KEL: variants seen among roughly 807,000 people sequenced by gnomAD.
The protein encoded by KEL is kell blood group glycoprotein.
A neutral mutation model predicts 99.5 loss-of-function variants in KEL; 96 were observed. The observed-to-expected ratio is 0.97, with a 90% confidence interval of 0.82 to 1.14. The LOEUF (loss-of-function observed/expected upper bound fraction) is 1.14. KEL is among the 50% of genes most tolerant of loss of function. KEL has a pLI of 0.00. For missense variants in KEL, 926 were observed against 924.2 expected (o/e 1.00, Z -0.03); for synonymous variants, 355 against 354.8 (o/e 1.00, Z -0.01).
At chr7:142,941,442 G>C (rs767592585) in intron 18 of KEL, 29 bp from the exon 19 acceptor site, 1 of 1,559,940 alleles carries the variant, frequency 6.4e-7, no homozygotes. Flanking sequence ...CATTGAAGGG[G>C]GAGGGTCCAC....
Position 142,962,226 on chromosome 7 carries a change from C to T in KEL, c.-20G>A. ...TACCATCTGTCTATCTTCTGTGGCT[C>T]CAGAATCCTTCCTGGTTCCACTCTA... On this transcript the variant is annotated 5_prime_UTR_variant, in exon 1 of 19. Coordinates refer to ENST00000355265, the MANE Select transcript of KEL (RefSeq NM_000420.3). 6.2e-7 allele frequency: 1 copy of T among 1,614,146 alleles called. No individual in the cohort carries two copies. Among genetic ancestry groups the T allele is most frequent in the South Asian group, 1.1e-5 (1 of 91,078 alleles).
intron 10 of KEL, among the ~76,000 whole-genome samples, chr7:142,952,100 T>C (rs1467069141): frequency 6.6e-6 from 1 of 152,076 alleles, no homozygotes; most frequent in Non-Finnish European, 1.5e-5. Context: ...CGTTTGAACA[T>C]GGAATCAACT....
At position 142,962,262 on chromosome 7, in the gene KEL, C is replaced by T. The variant is rs1286596407; in HGVS notation, c.-56G>A. The T allele has an allele frequency of 1.8e-5, 29 of 1,609,762 alleles. No homozygotes were observed. Among genetic ancestry groups the T allele is most frequent in the Non-Finnish European group, 2.4e-5 (28 of 1,175,976 alleles). On this transcript the variant is annotated 5_prime_UTR_variant, in exon 1 of 19. Coordinates refer to ENST00000355265, the MANE Select transcript of KEL (RefSeq NM_000420.3). ...CCTGGTTCCACTCTAGGAGCTGATT[C>T]GGAGGACTGGGGTCCAGGAAACACC... is the stretch of plus-strand genomic sequence containing the variant.
chr7:142,948,032 C>G (rs1010632328), intron 10 of KEL, among the ~76,000 whole-genome samples: 2 of 152,226 alleles, frequency 1.3e-5, no homozygotes, highest in African/African-American at 4.8e-5. Flanking sequence ...CAACCAGCAT[C>G]AGCAGGGAGA....
At chr7:142,953,546 C>G (rs947813514) in intron 9 of KEL, 1 of 339,116 alleles carries the variant, frequency 2.9e-6, no homozygotes, top group Non-Finnish European at 4.2e-6. Flanking sequence ...CAGGAAACCC[C>G]GTGTCTTGGC....
Position 142,962,331 on chromosome 7 carries a change from G to T in KEL, c.-125C>A. 9.0e-7 allele frequency: 1 copy of T among 1,112,556 alleles called. No homozygotes were observed. The highest frequency in any genetic ancestry group is 1.4e-6 in the Non-Finnish European group (1 of 729,938). 68.9% of individuals were successfully genotyped at this position (1,112,556 alleles called of 1,614,324 possible). ...ATCCTGGAGAAGGGGCACTTCTGCTGCTCTTTCGCCTTGTCCCCAGACACA... is the reference window on the plus strand; with the variant it reads ...ATCCTGGAGAAGGGGCACTTCTGCTTCTCTTTCGCCTTGTCCCCAGACACA... On this transcript the variant is annotated 5_prime_UTR_variant, in exon 1 of 19. Transcript: ENST00000355265.
chr7:142,953,499 C>T, intron 9 of KEL: 1 of 632,586 alleles, frequency 1.6e-6, no homozygotes, highest in Non-Finnish European at 2.0e-6. Flanking sequence ...GCATCTTCTA[C>T]AGCTCAGAGG....
chr7:142,942,831 A>C (rs773526421), intron 17 of KEL, 44 bp downstream of exon 17: 1 of 1,608,570 alleles, frequency 6.2e-7, no homozygotes, highest in Non-Finnish European at 8.5e-7. Context: ...CATGTTTTCT[A>C]GTCTGCCAGT....
chr7:142,944,509 T>A (rs1796459885), intron 12 of KEL, 109 bp from the exon 13 acceptor site: 1 of 1,185,580 alleles, frequency 8.4e-7, no homozygotes, highest in Middle Eastern at 1.9e-4. Flanking sequence ...AGTGTGAGTA[T>A]ACAGCCCAGT....
chr7:142,958,890 C>T (rs1562964662), intron 4 of KEL, among the ~76,000 whole-genome samples: 1 of 152,170 alleles, frequency 6.6e-6, no homozygotes, highest in Non-Finnish European at 1.5e-5. Flanking sequence ...CTATCTATCC[C>T]AGATCTTTAG....
At chr7:142,946,567 C>G (rs1796536056) in intron 10 of KEL, 5 of 569,076 alleles carry the variant, frequency 8.8e-6, no homozygotes, top group Non-Finnish European at 1.6e-5. Flanking sequence ...AATTTGACAG[C>G]AAGGCCTCTA....
chr7:142,942,907 C>A lies in KEL; in HGVS notation c.1909G>T (p.Ala637Ser). 6.2e-7 allele frequency: 1 copy of A among 1,614,182 alleles called. No homozygotes were observed. The highest frequency in any genetic ancestry group is 2.2e-5 in the East Asian group (1 of 44,886). ...NDSLTFLENA[A>S]DVGGLAIALQ... ...GCGATGGCTAGCCCCCCAACGTCTGCAGCATTCTCTAAGAATGTGAGGGAG... is the reference window on the plus strand; with the variant it reads ...GCGATGGCTAGCCCCCCAACGTCTGAAGCATTCTCTAAGAATGTGAGGGAG... Residue 637 changes from alanine to serine, a missense_variant, in exon 17 of 19, where the codon GCA becomes TCA. Transcript: ENST00000355265.
intron 10 of KEL, among the ~76,000 whole-genome samples, chr7:142,949,371 T>A (rs1796616872): frequency 6.6e-6 from 1 of 152,236 alleles, no homozygotes; most frequent in African/African-American, 2.4e-5. Flanking sequence ...TAAACATCAA[T>A]GGTGAATGAT....
chr7:142,961,600 CT>C, intron 2 of KEL, 99 bp from the exon 3 acceptor site: 1 of 1,422,068 alleles, frequency 7.0e-7, no homozygotes, highest in East Asian at 2.3e-5. Flanking sequence ...GCTACAGTCC[CT>C]TTATACAGAA....
intron 10 of KEL, among the ~76,000 whole-genome samples, chr7:142,950,491 G>A (rs115987489): frequency 2.7e-3 from 405 of 152,278 alleles, no homozygotes; most frequent in African/African-American, 9.2e-3. Context: ...GTCCCCATGA[G>A]ATGATACCCC....
chr7:142,957,331 G>A (rs1273897584), intron 6 of KEL, among the ~76,000 whole-genome samples: 2 of 152,170 alleles, frequency 1.3e-5, no homozygotes, highest in Non-Finnish European at 2.9e-5. Flanking sequence ...GAGAAGGAAT[G>A]TACGGGAGAT....
chr7:142,951,886 C>T (rs1208997964), intron 10 of KEL, among the ~76,000 whole-genome samples: 2 of 152,084 alleles, frequency 1.3e-5, no homozygotes, highest in Admixed American at 1.3e-4. Flanking sequence ...GACTCTTCTG[C>T]TTGCATTTGG....
intron 4 of KEL, among the ~76,000 whole-genome samples, chr7:142,958,632 C>T (rs1270356408): frequency 1.3e-5 from 2 of 152,142 alleles, no homozygotes; most frequent in African/African-American, 2.4e-5. Context: ...AAATATTTTA[C>T]CCCAAAACAT....
chr7:142,955,637 C>T (rs1026179428), intron 6 of KEL, among the ~76,000 whole-genome samples: 4 of 152,104 alleles, frequency 2.6e-5, no homozygotes, highest in Admixed American at 6.6e-5. Flanking sequence ...CCCTGATGAA[C>T]CCTTGTTTCT....
Sources: allele counts gnomAD v4.1 joint callset (sites outside exome capture counted in the v4.1 genomes callset), GRCh38; gene constraint gnomAD v4.1.1; transcripts MANE v1.5; gene names NCBI Gene and HGNC (gene_info 2026-07-23, HGNC 2026-07-21).